PDXK: variants seen among roughly 807,000 people sequenced by gnomAD.
The protein encoded by PDXK is epididymis secretory sperm binding protein Li 1a.
A neutral mutation model predicts 43.2 loss-of-function variants in PDXK; 15 were observed. That is an observed-to-expected ratio of 0.35 (90% CI 0.23 to 0.53). The LOEUF (loss-of-function observed/expected upper bound fraction) is 0.53, where lower values mean the gene tolerates loss of function less well. Ranked by LOEUF, PDXK falls within the 20% of genes least tolerant of loss-of-function variation. The pLI is 0.92. For synonymous variants in PDXK, 172 were observed against 165.4 expected (o/e 1.04, Z -0.31); for missense variants, 343 against 417.0 (o/e 0.82, Z 1.54).
chr21:43,742,556 T>C (rs2083555423), intron 3 of PDXK, among the ~76,000 whole-genome samples: 1 of 152,142 alleles, frequency 6.6e-6, no homozygotes, highest in South Asian at 2.1e-4. Flanking sequence ...CGTGAGCCAC[T>C]GCGCCCAGCC....
chr21:43,756,243 CA>C lies in PDXK; in HGVS notation c.*183del. The C allele has an allele frequency of 2.0e-6, 1 of 511,670 alleles. No individual in the cohort carries two copies. 31.7% of individuals were successfully genotyped at this position (511,670 alleles called of 1,614,324 possible). On this transcript the variant is annotated 3_prime_UTR_variant, in exon 11 of 11. Coordinates refer to ENST00000291565, the MANE Select transcript of PDXK (RefSeq NM_003681.5). ...GCCAGTCGTGCTTTGTGAAAAATAA[CA>C]AAGTGGTCACAGAAATTTGTGATCT...
At chr21:43,725,280 G>T (rs1005247455) in intron 1 of PDXK, among the ~76,000 whole-genome samples, 1 of 151,972 alleles carries the variant, frequency 6.6e-6, no homozygotes, top group Non-Finnish European at 1.5e-5. Context: ...CCGAGATCGC[G>T]CCACTGCACT....
intron 9 of PDXK, 145 bp downstream of exon 9, chr21:43,753,864 G>A (rs1671783752): frequency 8.9e-6 from 8 of 903,268 alleles, no homozygotes; most frequent in Admixed American, 8.3e-5. Flanking sequence ...GAGGGCAGTG[G>A]CCAGGCCATG....
At chr21:43,731,885 C>T (rs978010162) in intron 1 of PDXK, among the ~76,000 whole-genome samples, 7 of 152,206 alleles carry the variant, frequency 4.6e-5, no homozygotes, top group African/African-American at 1.7e-4. Flanking sequence ...AGCATTGGCT[C>T]CACACAGCTG....
rs144675980 is a variant in PDXK, at chr21:43,743,631, G to A, written c.248-93G>A. 3,871 of 868,126 alleles carry A rather than the reference G, an allele frequency of 4.5e-3. 28 individuals carry two copies. Among genetic ancestry groups the A allele is most frequent in the East Asian group, 0.018 (657 of 36,802 alleles). The allele number at this position is 868,126 out of a possible 1,614,324, so 53.8% of individuals were successfully genotyped here. On this transcript the variant is annotated intron_variant, in intron 3 of 10. Coordinates refer to ENST00000291565, the MANE Select transcript of PDXK (RefSeq NM_003681.5). ...CACCTCCCTCCCCAGCCACCCCTCTGCAGGGTCTGCTGGTGCTTCTCTTTC... is the reference window on the plus strand; with the variant it reads ...CACCTCCCTCCCCAGCCACCCCTCTACAGGGTCTGCTGGTGCTTCTCTTTC...
intron 1 of PDXK, among the ~76,000 whole-genome samples, chr21:43,722,499 T>C (rs569569187): frequency 1.3e-5 from 2 of 152,350 alleles, no homozygotes; most frequent in South Asian, 4.1e-4. Flanking sequence ...CTTAGGGTCA[T>C]GTAGGAGTTT....
intron 3 of PDXK, among the ~76,000 whole-genome samples, chr21:43,742,947 C>G (rs748729083): frequency 3.9e-5 from 6 of 152,166 alleles, no homozygotes; most frequent in Non-Finnish European, 7.4e-5. Flanking sequence ...TCCTTCACCT[C>G]TCGCCCGTGG....
At chr21:43,736,860 T>G in intron 2 of PDXK, 3 of 693,104 alleles carry the variant, frequency 4.3e-6, no homozygotes, top group Admixed American at 4.0e-5. Flanking sequence ...CTTGAACTCC[T>G]TGGGCTCAAG....
chr21:43,745,416 T>A (rs2083621224), intron 4 of PDXK, among the ~76,000 whole-genome samples: 1 of 133,580 alleles, frequency 7.5e-6, no homozygotes. Flanking sequence ...CGAGACTCCA[T>A]CTCAAAAAAA....
chr21:43,741,723 G>A lies in PDXK; in HGVS notation c.199G>A (p.Glu67Lys), dbSNP rs752826995. 1.1e-5 allele frequency: 18 copies of A among 1,613,028 alleles called. No individual in the cohort carries two copies. The highest frequency in any genetic ancestry group is 4.0e-5 in the African/African-American group (3 of 74,868). ...TTCAGATGAGCTCCAGGAGTTGTAC[G>A]AAGGCCTGAGGCTGAACAACATGAA... is the stretch of plus-strand genomic sequence containing the variant. ...LNSDELQELYEGLRLNNMNKY... is the reference protein window; with the variant it reads ...LNSDELQELYKGLRLNNMNKY... The change falls in exon 3 of 11, where the codon GAA (glutamate) becomes AAA (lysine). Residue 67 changes from glutamate to lysine, a missense_variant. Coordinates refer to ENST00000291565, the MANE Select transcript of PDXK (RefSeq NM_003681.5).
At chr21:43,752,764 T>G in intron 8 of PDXK, 135 bp downstream of exon 8, 1 of 618,968 alleles carries the variant, frequency 1.6e-6, no homozygotes, top group Non-Finnish European at 2.9e-6. Context: ...CACCCCCATT[T>G]TACAGACTCT....
intron 1 of PDXK, among the ~76,000 whole-genome samples, chr21:43,725,189 G>A (rs1326053118): frequency 4.6e-5 from 7 of 152,126 alleles, no homozygotes; most frequent in Non-Finnish European, 1.0e-4. Flanking sequence ...CAGGCGTGGT[G>A]GTGGGCGACT....
chr21:43,730,993 T>C (rs2083310146), intron 1 of PDXK, among the ~76,000 whole-genome samples: 1 of 152,154 alleles, frequency 6.6e-6, no homozygotes, highest in Non-Finnish European at 1.5e-5. Flanking sequence ...GTAAGTTTTA[T>C]GACTCAATTT....
Position 43,755,769 on chromosome 21 carries a change from G to A in PDXK, c.826+5G>A. 5.6e-6 allele frequency: 9 copies of A among 1,613,200 alleles called. No homozygotes were observed. Among genetic ancestry groups the A allele is most frequent in the East Asian group, 2.2e-5 (1 of 44,884 alleles). On this transcript the variant is annotated splice_donor_5th_base_variant and intron_variant, in intron 10 of 10. Coordinates refer to ENST00000291565, the MANE Select transcript of PDXK (RefSeq NM_003681.5). Reference sequence around the variant, plus strand: ...GGACCATCCAGTGTGCAAAAGGTACGGCGGCCGGGCTGCATGGGCTGCGTG... The same window carrying A: ...GGACCATCCAGTGTGCAAAAGGTACAGCGGCCGGGCTGCATGGGCTGCGTG...
intron 2 of PDXK, chr21:43,736,976 C>T (rs747755897): frequency 1.4e-6 from 1 of 701,360 alleles, no homozygotes; most frequent in Admixed American, 2.0e-5. Context: ...TCTCTGTCGC[C>T]CAGGCTGGCG....
In PDXK at chr21:43,757,420, GGGC is replaced by G. The variant is rs2083868643; in HGVS notation, c.*1358_*1360del. Reference sequence around the variant, plus strand: ...GAGATGCAGGAAGTGGGGGCCCATGGGGCCCCCAAGAAGCGGACTCTCCAAGGG... The same window carrying G: ...GAGATGCAGGAAGTGGGGGCCCATGGCCCCAAGAAGCGGACTCTCCAAGGG... On this transcript the variant is annotated 3_prime_UTR_variant, in exon 11 of 11. Transcript: ENST00000291565. The G allele has an allele frequency of 6.6e-6, 1 of 152,278 alleles. No individual in the cohort carries two copies. Among genetic ancestry groups the G allele is most frequent in the African/African-American group, 2.4e-5 (1 of 41,436 alleles). 9.4% of individuals were successfully genotyped at this position (152,278 alleles called of 1,614,324 possible).
At chr21:43,752,135 G>A (rs761386261) in intron 7 of PDXK, among the ~76,000 whole-genome samples, 8 of 152,178 alleles carry the variant, frequency 5.3e-5, no homozygotes, top group African/African-American at 9.7e-5. Flanking sequence ...GTGCGCGCGC[G>A]TGCTGCCCGA....
intron 2 of PDXK, among the ~76,000 whole-genome samples, chr21:43,739,644 T>G (rs1332277889): frequency 1.3e-5 from 2 of 151,588 alleles, no homozygotes; most frequent in Non-Finnish European, 2.9e-5. Context: ...GTCACTATCA[T>G]GAGAACAAGA....
intron 1 of PDXK, 77 bp from the exon 2 acceptor site, chr21:43,733,992 G>A: frequency 6.9e-7 from 1 of 1,442,710 alleles, no homozygotes. Context: ...CCCCTCTTCT[G>A]AGTCAGCACC....
Sources: allele counts gnomAD v4.1 joint callset (sites outside exome capture counted in the v4.1 genomes callset), GRCh38; gene constraint gnomAD v4.1.1; transcripts MANE v1.5; gene names NCBI Gene and HGNC (gene_info 2026-07-23, HGNC 2026-07-21).